The following C4BPB variants were observed in gnomAD, a reference collection of about 807,000 sequenced individuals.
C4BPB encodes the protein complement component 4 binding protein beta.
A neutral mutation model predicts 26.6 loss-of-function variants in C4BPB; 19 were observed. The observed-to-expected ratio is 0.71, with a 90% CI of 0.50 to 1.05. The LOEUF is 1.05. C4BPB is among the 50% of genes least tolerant of loss of function. The pLI is 0.00. For missense variants in C4BPB, 282 were observed against 302.9 expected, an observed-to-expected ratio of 0.93 and a Z score of 0.51; for synonymous variants, 118 against 103.5, an observed-to-expected ratio of 1.14 and a Z score of -0.85.
chr1:207,094,009 A>G (rs1431064250), intron 4 of C4BPB, among the ~76,000 whole-genome samples: 2 of 152,200 alleles, frequency 1.3e-5, no homozygotes, highest in Admixed American at 6.5e-5. Context: ...AACATTACAA[A>G]TGATTATAGA....
intron 4 of C4BPB, among the ~76,000 whole-genome samples, chr1:207,092,965 T>A (rs923607419): frequency 1.3e-5 from 2 of 152,194 alleles, no homozygotes; most frequent in Non-Finnish European, 2.9e-5. Flanking sequence ...CTAAAATGAT[T>A]GCTGGATCAC....
At chr1:207,091,367 A>T (rs1342929831) in intron 3 of C4BPB, among the ~76,000 whole-genome samples, 1 of 152,238 alleles carries the variant, frequency 6.6e-6, no homozygotes, top group Non-Finnish European at 1.5e-5. Flanking sequence ...TACAATAAAC[A>T]TACGATTGGT....
intron 4 of C4BPB, chr1:207,095,151 G>C (rs1490376830): frequency 2.6e-6 from 1 of 378,950 alleles, no homozygotes; most frequent in Non-Finnish European, 5.2e-6. Flanking sequence ...CCTTAGAGAT[G>C]ATATTATTTA....
intron 5 of C4BPB, among the ~76,000 whole-genome samples, chr1:207,096,860 CAAGAT>C (rs1684273751): frequency 6.6e-6 from 1 of 152,148 alleles, no homozygotes; most frequent in African/African-American, 2.4e-5. Flanking sequence ...TCCGCCAAGA[CAAGAT>C]AAATTATTTA....
chr1:207,098,364 A>G lies in C4BPB; in HGVS notation c.618+100A>G, dbSNP rs191927931. On this transcript the variant is annotated intron_variant, in intron 6 of 6. Coordinates refer to ENST00000367078, the MANE Select transcript of C4BPB (RefSeq NM_001017365.3). The stretch of plus-strand genomic sequence containing the variant: ...AGTATATATCTGTTTAATGTGGGAC[A>G]TTTTGCTTTTGAATGGGTTGGCCTT... 1.7e-3 allele frequency: 1,259 copies of G among 738,222 alleles called. 2 individuals carry two copies. Among genetic ancestry groups the G allele is most frequent in the Admixed American group, 3.8e-3 (148 of 38,698 alleles). 45.7% of individuals were successfully genotyped at this position (738,222 alleles called of 1,614,324 possible).
rs761658324 is a variant in C4BPB, at chr1:207,091,761, A to G, written c.350A>G (p.Asn117Ser). Residue 117 changes from asparagine (N) to serine (S), a missense_variant, in exon 4 of 7, where the codon AAT becomes AGT. Physicochemically the swap from Asn to Ser is conservative, Grantham distance 46. Coordinates refer to ENST00000367078, the MANE Select transcript of C4BPB (RefSeq NM_001017365.3). ...CNDHYILKGSNRSQCLEDHTW... is the reference protein window; with the variant it reads ...CNDHYILKGSSRSQCLEDHTW... ...GACCACTACATCCTCAAGGGCAGCA[A>G]TCGGAGCCAGTGTCTAGAGGACCAC... 1.2e-6 allele frequency: 2 copies of G among 1,614,190 alleles called. No homozygotes were observed. Among genetic ancestry groups the G allele is most frequent in the South Asian group, 1.1e-5 (1 of 91,082 alleles).
At chr1:207,096,286 CAGA>C (rs1276571556) in intron 4 of C4BPB, 1 of 503,552 alleles carries the variant, frequency 2.0e-6, no homozygotes, top group Non-Finnish European at 3.5e-6. Flanking sequence ...CCTACTAACT[CAGA>C]AGATGGGCTG....
intron 5 of C4BPB, 47 bp downstream of exon 5, chr1:207,096,662 C>A: frequency 9.0e-7 from 1 of 1,113,554 alleles, no homozygotes; most frequent in Non-Finnish European, 1.3e-6. Flanking sequence ...CCCTTGGCAG[C>A]ATTGTTTTGG....
At chr1:207,094,429 A>G (rs1684165295) in intron 4 of C4BPB, among the ~76,000 whole-genome samples, 1 of 152,232 alleles carries the variant, frequency 6.6e-6, no homozygotes, top group South Asian at 2.1e-4. Flanking sequence ...TATTATATAT[A>G]CAGTTAAATT....
In C4BPB at chr1:207,099,262, C is replaced by T. The variant is rs149314624; in HGVS notation, c.619-527C>T. Among the ~76,000 whole-genome samples the T allele has an allele frequency of 6.6e-4, 101 of 152,284 alleles. No homozygotes were observed. In the East Asian group the frequency reaches 0.014, roughly 22 times the overall value. ...CATGAGCAGTTCACAATAGGTTTCA[C>T]GCTCTTATGAGAATCTAATGCCACC... On this transcript the variant is annotated intron_variant, in intron 6 of 6. Coordinates refer to ENST00000367078, the MANE Select transcript of C4BPB (RefSeq NM_001017365.3).
chr1:207,090,822 C>A (rs73077096), intron 3 of C4BPB, among the ~76,000 whole-genome samples: 6,579 of 152,098 alleles, frequency 0.043, 454 homozygotes, highest in African/African-American at 0.15. Flanking sequence ...TGTATACAAA[C>A]GACAGAAGAG....
intron 3 of C4BPB, 75 bp downstream of exon 3, chr1:207,090,556 C>A: frequency 1.5e-6 from 2 of 1,356,248 alleles, no homozygotes; most frequent in Non-Finnish European, 2.0e-6. Context: ...TTCCTATAGG[C>A]TGTGGTAAAA....
chr1:207,095,368 T>TG (rs769904275), intron 4 of C4BPB: 5 of 456,686 alleles, frequency 1.1e-5, no homozygotes, highest in South Asian at 7.7e-5. Context: ...TCTTGCTCTG[T>TG]TTCCCAGGCT....
intron 5 of C4BPB, among the ~76,000 whole-genome samples, 167 bp downstream of exon 5, chr1:207,096,782 T>C (rs539177068): frequency 6.6e-6 from 1 of 152,322 alleles, no homozygotes; most frequent in Non-Finnish European, 1.5e-5. Flanking sequence ...CTCTCCTCAA[T>C]CCCTAGAAGA....
chr1:207,096,673 G>A, intron 5 of C4BPB, 58 bp downstream of exon 5: 3 of 941,816 alleles, frequency 3.2e-6, no homozygotes, highest in East Asian at 2.4e-5. Context: ...ATTGTTTTGG[G>A]GAATAACCCA....
chr1:207,089,357 C>T (rs769234807), intron 1 of C4BPB, 125 bp from the exon 2 acceptor site: 17 of 572,928 alleles, frequency 3.0e-5, no homozygotes, highest in Non-Finnish European at 5.3e-5. Flanking sequence ...TTCTGATTTC[C>T]TGTCGTAAGA....
intron 4 of C4BPB, among the ~76,000 whole-genome samples, chr1:207,092,606 T>C (rs1162444573): frequency 7.9e-5 from 12 of 151,662 alleles, no homozygotes; most frequent in Non-Finnish European, 2.9e-5. Flanking sequence ...TATTCTTATG[T>C]CTACGTTGTT....
intron 4 of C4BPB, chr1:207,094,910 C>T: frequency 5.4e-6 from 1 of 183,592 alleles, no homozygotes; most frequent in Non-Finnish European, 1.2e-5. Context: ...AGGATAAGGG[C>T]ATTAAGTATT....
chr1:207,096,243 T>A, intron 4 of C4BPB: 1 of 384,004 alleles, frequency 2.6e-6, no homozygotes, highest in South Asian at 3.0e-5. Context: ...TTTCTTTCCT[T>A]GAGCTCCTGC....
Sources: gnomAD v4.1 joint callset for allele counts (sites outside exome capture counted in the v4.1 genomes callset) on GRCh38, gnomAD v4.1.1 for gene constraint, MANE v1.5 for transcripts, NCBI Gene and HGNC (gene_info 2026-07-23, HGNC 2026-07-21) for gene names.